The following LHFPL2 variants were observed in gnomAD, a reference collection of about 807,000 sequenced individuals.
The protein encoded by LHFPL2 is LHFPL tetraspan subfamily member 2 protein.
A neutral mutation model predicts 17.5 loss-of-function variants in LHFPL2; 7 were observed. That is an observed-to-expected ratio of 0.40 (90% CI 0.23 to 0.75). LHFPL2 has a LOEUF of 0.75. Among genes scored for constraint, LHFPL2 ranks in the 30% least tolerant of loss-of-function variants. The pLI, the probability that LHFPL2 is intolerant of heterozygous loss-of-function variation, is 0.37. For missense variants in LHFPL2, 241 were observed against 294.8 expected, an observed-to-expected ratio of 0.82 and a Z score of 1.34; for synonymous variants, 134 against 116.2, an observed-to-expected ratio of 1.15 and a Z score of -0.99.
chr5:78,615,002 G>A (rs973531753), intron 2 of LHFPL2, among the ~76,000 whole-genome samples: 1 of 152,202 alleles, frequency 6.6e-6, no homozygotes, highest in African/African-American at 2.4e-5. Context: ...TTTTATCTTA[G>A]CCACATTTTA....
intron 3 of LHFPL2, among the ~76,000 whole-genome samples, chr5:78,563,334 TTAA>T (rs1216250352): frequency 6.6e-6 from 1 of 152,218 alleles, no homozygotes; most frequent in Middle Eastern, 3.2e-3. Context: ...TATATTTTTA[TTAA>T]TAATCTTTAT....
intron 2 of LHFPL2, among the ~76,000 whole-genome samples, chr5:78,621,496 T>G (rs1343669541): frequency 6.6e-6 from 1 of 152,148 alleles, no homozygotes; most frequent in Non-Finnish European, 1.5e-5. Context: ...CAGTCATGCT[T>G]TGGTTAACAC....
At chr5:78,584,652 C>T (rs1743296806) in intron 2 of LHFPL2, among the ~76,000 whole-genome samples, 2 of 152,210 alleles carry the variant, frequency 1.3e-5, no homozygotes, top group Non-Finnish European at 1.5e-5. Flanking sequence ...CTCAGATCTC[C>T]AGCTGCATGC....
chr5:78,604,658 C>T (rs951647873), intron 2 of LHFPL2, among the ~76,000 whole-genome samples: 1 of 152,298 alleles, frequency 6.6e-6, no homozygotes, highest in Admixed American at 6.5e-5. Flanking sequence ...CATGACAACA[C>T]TACATGCAAA....
At chr5:78,601,940 G>C in intron 2 of LHFPL2, among the ~76,000 whole-genome samples, 1 of 152,172 alleles carries the variant, frequency 6.6e-6, no homozygotes, top group East Asian at 1.9e-4. Context: ...GAGTCAATGG[G>C]TGTGGGGAAG....
intron 2 of LHFPL2, among the ~76,000 whole-genome samples, chr5:78,615,793 C>A (rs1744579877): frequency 6.6e-6 from 1 of 152,196 alleles, no homozygotes; most frequent in Admixed American, 6.5e-5. Flanking sequence ...CTAAGAAGGT[C>A]AAACTGAGGG....
intron 3 of LHFPL2, among the ~76,000 whole-genome samples, chr5:78,526,311 G>T (rs561343854): frequency 3.9e-5 from 6 of 152,194 alleles, no homozygotes; most frequent in Non-Finnish European, 8.8e-5. Flanking sequence ...GACTTTTTCC[G>T]GTAGCTGAAG....
chr5:78,644,446 T>A (rs1272758813), intron 1 of LHFPL2: 2 of 630,204 alleles, frequency 3.2e-6, no homozygotes, highest in Non-Finnish European at 5.7e-6. Flanking sequence ...TCTGCGGCAG[T>A]GCCCTTCCAC....
chr5:78,600,917 C>T (rs1158350266), intron 2 of LHFPL2, among the ~76,000 whole-genome samples: 2 of 152,106 alleles, frequency 1.3e-5, no homozygotes, highest in Non-Finnish European at 2.9e-5. Context: ...TTTATTTTGG[C>T]CTGTGTCTGA....
rs187563897 is a variant in LHFPL2, at chr5:78,589,705, T to C, written c.-244-24834A>G. 3.3e-5 allele frequency among the ~76,000 whole-genome samples: 5 copies of C among 152,300 alleles called. No individual in the cohort carries two copies. In the East Asian group the frequency reaches 9.7e-4, roughly 29 times the overall value. ...CTACAGCACTCACCACCCAGCAGCA[T>C]ACGTGCTGGTTCATGTCTGCCTCCT... is the stretch of plus-strand genomic sequence containing the variant. On this transcript the variant is annotated intron_variant, in intron 2 of 4. Transcript: ENST00000380345.
At chr5:78,531,440 T>A (rs899906150) in intron 3 of LHFPL2, among the ~76,000 whole-genome samples, 39 of 141,076 alleles carry the variant, frequency 2.8e-4, no homozygotes, top group Admixed American at 2.6e-3. Flanking sequence ...AAAAAAAAAA[T>A]TCACAATGAA....
At chr5:78,495,865 G>A (rs1048079307) in intron 4 of LHFPL2, among the ~76,000 whole-genome samples, 2 of 152,156 alleles carry the variant, frequency 1.3e-5, no homozygotes, top group African/African-American at 4.8e-5. Flanking sequence ...ATAGGAGTGG[G>A]ATGCTGTAGG....
chr5:78,533,480 C>T (rs533340434), intron 3 of LHFPL2, among the ~76,000 whole-genome samples: 1 of 152,070 alleles, frequency 6.6e-6, no homozygotes, highest in Non-Finnish European at 1.5e-5. Context: ...AGGGGATGGG[C>T]GGTGTAGGAT....
At chr5:78,573,836 CTACCATGGGGG>C (rs1757063356) in intron 2 of LHFPL2, among the ~76,000 whole-genome samples, 1 of 152,142 alleles carries the variant, frequency 6.6e-6, no homozygotes, top group East Asian at 1.9e-4. Flanking sequence ...ATCTTGATGG[CTACCATGGGGG>C]TAGGTTTGTG....
chr5:78,587,311 G>A (rs886809393), intron 2 of LHFPL2, among the ~76,000 whole-genome samples: 1 of 152,166 alleles, frequency 6.6e-6, no homozygotes, highest in African/African-American at 2.4e-5. Flanking sequence ...TACTAAATAG[G>A]ACAAATGATG....
chr5:78,627,679 T>C (rs906634661), intron 2 of LHFPL2, among the ~76,000 whole-genome samples: 4 of 152,168 alleles, frequency 2.6e-5, no homozygotes, highest in African/African-American at 9.7e-5. Flanking sequence ...AATACCTGCC[T>C]ACTCAGCAGG....
chr5:78,606,793 G>T (rs1430603953), intron 2 of LHFPL2, among the ~76,000 whole-genome samples: 1 of 152,122 alleles, frequency 6.6e-6, no homozygotes, highest in East Asian at 1.9e-4. Context: ...TCCTGCCTCA[G>T]CCTCACAAGT....
intron 3 of LHFPL2, among the ~76,000 whole-genome samples, chr5:78,552,499 C>G (rs923032593): frequency 1.3e-5 from 2 of 152,218 alleles, no homozygotes; most frequent in African/African-American, 4.8e-5. Flanking sequence ...ACAAAGACAA[C>G]TAAAGGGATT....
At chr5:78,503,270 T>A (rs759664002) in intron 4 of LHFPL2, among the ~76,000 whole-genome samples, 1 of 152,278 alleles carries the variant, frequency 6.6e-6, no homozygotes, top group African/African-American at 2.4e-5. Context: ...GGCTCTGTGA[T>A]AATTTATGTC....
Sources: gnomAD v4.1 joint callset for allele counts (sites outside exome capture counted in the v4.1 genomes callset) on GRCh38, gnomAD v4.1.1 for gene constraint, MANE v1.5 for transcripts, NCBI Gene and HGNC (gene_info 2026-07-23, HGNC 2026-07-21) for gene names.